Variants in VPS13D observed in about 807,000 individuals in gnomAD.
VPS13D encodes vacuolar protein sorting 13 homolog D, also known as intermembrane lipid transfer protein VPS13D.
Under a neutral mutation model 461.9 loss-of-function variants are expected in VPS13D, and 187 were observed. The ratio of observed to expected loss-of-function variants is 0.40; its 90% CI spans 0.36 to 0.46. VPS13D has a LOEUF of 0.46. Ranked by LOEUF, VPS13D falls within the 20% of genes least tolerant of loss-of-function variation. The pLI, the probability that VPS13D is intolerant of heterozygous loss-of-function variation, is 0.60. For synonymous variants in VPS13D, 1,951 were observed against 1,986.3 expected (o/e 0.98, Z 0.47); for missense variants, 4,711 against 5,364.9 (o/e 0.88, Z 3.81).
chr1:12,489,905 C>G (rs1645853172), intron 67 of VPS13D, among the ~76,000 whole-genome samples: 1 of 152,206 alleles, frequency 6.6e-6, no homozygotes, highest in African/African-American at 2.4e-5. Flanking sequence ...AGTGGTGGAG[C>G]TGGGATTCAA....
intron 49 of VPS13D, among the ~76,000 whole-genome samples, chr1:12,357,872 C>T (rs1052625331): frequency 2.0e-5 from 3 of 152,076 alleles, no homozygotes; most frequent in East Asian, 3.9e-4. Flanking sequence ...GGTGTGGTGG[C>T]GCTCGCCTGT....
At chr1:12,452,699 A>G (rs1241900529) in intron 65 of VPS13D, among the ~76,000 whole-genome samples, 1 of 152,234 alleles carries the variant, frequency 6.6e-6, no homozygotes, top group African/African-American at 2.4e-5. Context: ...TTACCACTGT[A>G]TCCATCATTT....
At chr1:12,468,353 G>A (rs1323106013) in intron 67 of VPS13D, among the ~76,000 whole-genome samples, 1 of 152,208 alleles carries the variant, frequency 6.6e-6, no homozygotes, top group Non-Finnish European at 1.5e-5. Context: ...ACTATCCCAT[G>A]CCTCATGTTT....
rs760082377 is a variant in VPS13D, at chr1:12,358,566, A to C, written c.10106A>C (p.Gln3369Pro). The C allele has an allele frequency of 3.1e-6, 5 of 1,614,068 alleles. No individual in the cohort carries two copies. The highest frequency in any genetic ancestry group is 4.2e-6 in the Non-Finnish European group (5 of 1,180,042). Residue 3369 changes from glutamine (Q) to proline (P), a missense_variant, in exon 50 of 70, where the codon CAG becomes CCG. By Grantham distance (76) the Gln-to-Pro change is moderately conservative. Around this residue, in one of 3 missense-constraint regions of VPS13D, gnomAD observed 4,411 missense variants for 4,937.8 expected, o/e 0.89. Coordinates refer to ENST00000620676, the MANE Select transcript of VPS13D (RefSeq NM_015378.4). ...GSGVRALKVI[Q>P]QGNRPGLIYN... ...GGTGTCCGAGCTTTGAAAGTCATCC[A>C]GCAAGGAAACCGCCCAGGGCTGATC... is the stretch of plus-strand genomic sequence containing the variant.
At chr1:12,437,805 G>GT (rs1433826324) in intron 65 of VPS13D, among the ~76,000 whole-genome samples, 1 of 152,104 alleles carries the variant, frequency 6.6e-6, no homozygotes, top group Non-Finnish European at 1.5e-5. Flanking sequence ...GATTTCCTGT[G>GT]GACTTCTTGG....
At chr1:12,377,047 TTTTCTTTTTTTC>T (rs1292124006) in intron 55 of VPS13D, among the ~76,000 whole-genome samples, 57 of 152,096 alleles carry the variant, frequency 3.7e-4, no homozygotes, top group African/African-American at 1.3e-3. Context: ...AAATGAGTTT[TTTTCTTTTTTTC>T]TTTCTTTTTT....
At chr1:12,398,839 G>A (rs1319408625) in intron 60 of VPS13D, among the ~76,000 whole-genome samples, 1 of 152,218 alleles carries the variant, frequency 6.6e-6, no homozygotes, top group Non-Finnish European at 1.5e-5. Context: ...GAAGGAATTT[G>A]GAGCAAGAGA....
intron 39 of VPS13D, chr1:12,337,893 T>C (rs1343733303): frequency 5.2e-6 from 1 of 191,454 alleles, no homozygotes; most frequent in Non-Finnish European, 1.1e-5. Context: ...AACTTTTTAA[T>C]GCCATTTAAG....
chr1:12,497,354 A>G (rs1188830775), intron 67 of VPS13D, 146 bp from the exon 68 acceptor site: 1 of 885,716 alleles, frequency 1.1e-6, no homozygotes, highest in African/African-American at 1.7e-5. Context: ...TTCATGGTGT[A>G]TTCACAGGCA....
At chr1:12,493,101 A>G (rs1244529417) in intron 67 of VPS13D, among the ~76,000 whole-genome samples, 1 of 147,876 alleles carries the variant, frequency 6.8e-6, no homozygotes. Flanking sequence ...ACAGATGTTT[A>G]TTTCAAATAA....
chr1:12,495,560 C>T lies in VPS13D; in HGVS notation c.12663-1940C>T, dbSNP rs1557476876. Among the ~76,000 whole-genome samples, 1 of 152,138 alleles carries T rather than the reference C, an allele frequency of 6.6e-6. No individual in the cohort carries two copies. Among genetic ancestry groups the T allele is most frequent in the South Asian group, 2.1e-4 (1 of 4,826 alleles). The stretch of plus-strand genomic sequence containing the variant: ...ATGAGACTACTGTAATAATATATTA[C>T]AAATCCAGGGATCCTTTGTTAGTTA... On this transcript the variant is annotated intron_variant, in intron 67 of 69. Coordinates refer to ENST00000620676, the MANE Select transcript of VPS13D (RefSeq NM_015378.4). This position sits in a 1 kb window ranked among gnomAD's most constrained non-coding sequence, Gnocchi z 4.0.
chr1:12,258,002 T>A lies in VPS13D; in HGVS notation c.1009T>A (p.Cys337Ser), dbSNP rs773711670. Residue 337 changes from cysteine (C) to serine (S), a missense_variant, in exon 10 of 70, where the codon TGC becomes AGC. By Grantham distance (112) the Cys-to-Ser change is moderately radical (BLOSUM62 -1). Transcript: ENST00000620676. The stretch of plus-strand genomic sequence containing the variant: ...TGAGATCAGAGAGCAGAGGAAACGT[T>A]GCACCTGGGACTTTATGTTGCACCG... ...LYEIREQRKR[C>S]TWDFMLHRAR... The A allele has an allele frequency of 6.2e-7, 1 of 1,614,240 alleles. No individual in the cohort carries two copies. Among genetic ancestry groups the A allele is most frequent in the Non-Finnish European group, 8.5e-7 (1 of 1,180,044 alleles).
At chr1:12,349,436 A>G (rs1569972294) in intron 46 of VPS13D, 62 bp downstream of exon 46, 1 of 1,453,800 alleles carries the variant, frequency 6.9e-7, no homozygotes, top group African/African-American at 1.4e-5. Flanking sequence ...TGGAATGACT[A>G]TTACCATTCT....
In VPS13D at chr1:12,234,360, A is replaced by G. The variant is rs1640079406; in HGVS notation, c.94A>G (p.Lys32Glu). ...NTDQLSVALL[K>E]GAVELENLPL... ...TGACCAGCTCTCAGTTGCACTTCTC[A>G]AAGGTGAGTATTTCTCTGGGTGAGA... The change falls in exon 2 of 70, where the codon AAA becomes GAA. Residue 32 changes from lysine (K) to glutamate (E), a missense_variant. By Grantham distance (56) the Lys-to-Glu change is moderately conservative. Coordinates refer to ENST00000620676, the MANE Select transcript of VPS13D (RefSeq NM_015378.4). 6.2e-7 allele frequency: 1 copy of G among 1,607,348 alleles called. No individual in the cohort carries two copies. The highest frequency in any genetic ancestry group is 2.2e-5 in the East Asian group (1 of 44,800).
chr1:12,458,871 C>G (rs1645365971), intron 66 of VPS13D, among the ~76,000 whole-genome samples: 1 of 152,224 alleles, frequency 6.6e-6, no homozygotes, highest in African/African-American at 2.4e-5. Context: ...TGTTTTCAGC[C>G]ATTGCTGTCA....
rs139753982 is a variant in VPS13D at position 12,336,262 on chromosome 1, C to T, written c.8551+435C>T. On this transcript the variant is annotated intron_variant, in intron 39 of 69. Transcript: ENST00000620676. The stretch of plus-strand genomic sequence containing the variant: ...TTTGGACATATTCTTGAAAAGAGGG[C>T]GAGCAGGAGCCCATGTGGAAAAAGT... The T allele has an allele frequency of 3.2e-3, 535 of 164,674 alleles. 7 individuals carry two copies. Among genetic ancestry groups the T allele is most frequent in the East Asian group, 1.1e-3 (6 of 5,692 alleles). The allele number at this position is 164,674 out of a possible 1,614,324, so 10.2% of individuals were successfully genotyped here. A position where few individuals can be genotyped will look rare whatever the true frequency, so the allele number is the denominator to read the frequency against.
chr1:12,375,049 T>C (rs529078147), intron 55 of VPS13D, among the ~76,000 whole-genome samples: 1 of 152,356 alleles, frequency 6.6e-6, no homozygotes, highest in South Asian at 2.1e-4. Context: ...GTATTTATTT[T>C]GATGCTCAGT....
chr1:12,381,974 CTTT>C lies in VPS13D; in HGVS notation c.11191-1001_11191-999del, dbSNP rs1557745657. 8.9e-4 allele frequency among the ~76,000 whole-genome samples: 116 copies of C among 130,170 alleles called. 2 individuals carry two copies. The highest frequency in any genetic ancestry group is 1.8e-3 in the South Asian group (7 of 3,968). 85.4% of individuals were successfully genotyped at this position (130,170 alleles called of 152,430 possible). On this transcript the variant is annotated intron_variant, in intron 57 of 69. Coordinates refer to ENST00000620676, the MANE Select transcript of VPS13D (RefSeq NM_015378.4). ...TCTTTCTTTCTTTCTTTCTTTCTTT[CTTT>C]CTTTCTCTCTCTCTCTCTCCTTCCT...
At chr1:12,420,002 A>T (rs958646144) in intron 65 of VPS13D, among the ~76,000 whole-genome samples, 7 of 152,170 alleles carry the variant, frequency 4.6e-5, no homozygotes, top group African/African-American at 1.7e-4. Flanking sequence ...TTATGGGTGG[A>T]TTGTCGTATA....
Sources: allele counts gnomAD v4.1 joint callset (sites outside exome capture counted in the v4.1 genomes callset), GRCh38; gene constraint gnomAD v4.1.1; regional missense constraint gnomAD v4.1.1; non-coding constraint Gnocchi (gnomAD v3.1); transcripts MANE v1.5; gene names NCBI Gene and HGNC (gene_info 2026-07-23, HGNC 2026-07-21).